The following IL17D variants were observed in gnomAD, a reference collection of about 807,000 sequenced individuals.
The protein encoded by IL17D is interleukin 17D.
Under a neutral mutation model 5.7 loss-of-function variants are expected in IL17D, and 10 were observed. That is an observed-to-expected ratio of 1.75 (90% CI 1.08 to 2.97). IL17D has a LOEUF of 2.97. Ranked by LOEUF, IL17D falls within the 30% of genes most tolerant of loss-of-function variation. The pLI is 0.00. For missense variants in IL17D, 354 were observed against 292.7 expected (o/e 1.21, Z -1.53); for synonymous variants, 172 against 141.7 (o/e 1.21, Z -1.52).
intron 1 of IL17D, among the ~76,000 whole-genome samples, chr13:20,709,588 C>T (rs942385693): frequency 2.6e-5 from 4 of 152,170 alleles, no homozygotes; most frequent in African/African-American, 7.2e-5. Context: ...CTGTGTTCAG[C>T]GCCTACACAT....
Position 20,712,099 on chromosome 13 carries a change from G to A in IL17D, c.290+7808G>A, listed in dbSNP as rs181403987. Among the ~76,000 whole-genome samples, 5 of 152,346 alleles carry A rather than the reference G, an allele frequency of 3.3e-5. No individual in the cohort carries two copies. In the East Asian group the frequency reaches 7.7e-4, roughly 24 times the overall value. On this transcript the variant is annotated intron_variant, in intron 1 of 1. Coordinates refer to ENST00000682841, the MANE Select transcript of IL17D (RefSeq NM_001385224.1). ...TTCATTCATCAAATATTGTCTAGGG[G>A]CTGGTGGGCAGGCCCCCTGGAATAC...
Position 20,716,229 on chromosome 13 carries a change from C to T in IL17D, c.291-5407C>T, listed in dbSNP as rs569219736. ...GAGGACGGCGGATGTCTTGGTATTA[C>T]CATGGTTGTATAACGTCTTGAGATC... is the stretch of plus-strand genomic sequence containing the variant. On this transcript the variant is annotated intron_variant, in intron 1 of 1. Coordinates refer to ENST00000682841, the MANE Select transcript of IL17D (RefSeq NM_001385224.1). This position sits in a 1 kb window ranked among gnomAD's most constrained non-coding sequence, Gnocchi z 4.2. 1 of 293,182 alleles carries T rather than the reference C, an allele frequency of 3.4e-6. No individual in the cohort carries two copies. Among genetic ancestry groups the T allele is most frequent in the Admixed American group, 6.5e-5 (1 of 15,456 alleles). The allele number at this position is 293,182 out of a possible 1,614,324, so 18.2% of individuals were successfully genotyped here.
Position 20,721,849 on chromosome 13 carries a change from C to T in IL17D, c.504C>T (p.Thr168=). ...EAYVTIPVGC[T]CVPEPEKDAD... Reference sequence around the variant, plus strand: ...ACGTCACCATCCCCGTGGGCTGCACCTGCGTCCCCGAGCCGGAGAAGGACG... The same window carrying T: ...ACGTCACCATCCCCGTGGGCTGCACTTGCGTCCCCGAGCCGGAGAAGGACG... The change falls in exon 2 of 2, where the codon ACC becomes ACT. Residue 168 remains threonine (T), a synonymous_variant. Coordinates refer to ENST00000682841, the MANE Select transcript of IL17D (RefSeq NM_001385224.1). The T allele has an allele frequency of 6.2e-7, 1 of 1,610,688 alleles. No homozygotes were observed. The highest frequency in any genetic ancestry group is 8.5e-7 in the Non-Finnish European group (1 of 1,179,792).
At chr13:20,710,556 G>C (rs1018170049) in intron 1 of IL17D, among the ~76,000 whole-genome samples, 2 of 147,036 alleles carry the variant, frequency 1.4e-5, no homozygotes, top group Non-Finnish European at 3.0e-5. Flanking sequence ...TTGAACCTGG[G>C]AGGCGGAGGT....
Position 20,703,733 on chromosome 13 carries a change from C to A in IL17D, c.-269C>A. 1 of 145,462 alleles carries A rather than the reference C, an allele frequency of 6.9e-6. No individual in the cohort carries two copies. Among genetic ancestry groups the A allele is most frequent in the East Asian group, 2.1e-4 (1 of 4,834 alleles). 9.0% of individuals were successfully genotyped at this position (145,462 alleles called of 1,614,324 possible). A position where few individuals can be genotyped will look rare whatever the true frequency, so the allele number is the denominator to read the frequency against. ...CCGCACCCGCCCCCCGTGCGGCCCC[C>A]GGCTCGGGGCGGCGGCGGCGGCGGG... On this transcript the variant is annotated 5_prime_UTR_variant, in exon 1 of 2. Transcript: ENST00000682841.
At chr13:20,721,369 G>A (rs1595004420) in intron 1 of IL17D, among the ~76,000 whole-genome samples, 1 of 152,246 alleles carries the variant, frequency 6.6e-6, no homozygotes, top group South Asian at 2.1e-4. Flanking sequence ...CGTGCAGGCG[G>A]CATAGATTTT....
chr13:20,702,140 A>G (rs1419478986), upstream of IL17D: 1 of 152,196 alleles, frequency 6.6e-6, no homozygotes, highest in African/African-American at 2.4e-5. Flanking sequence ...GAGTACTGAA[A>G]CCTTTATTCC....
chr13:20,703,300 GAGA>G (rs2058558952), upstream of IL17D: 9 of 986,472 alleles, frequency 9.1e-6, no homozygotes, highest in East Asian at 1.1e-4. Context: ...GCTTTCGGGG[GAGA>G]AGATGTTGGG....
At chr13:20,711,321 A>G (rs1260697976) in intron 1 of IL17D, among the ~76,000 whole-genome samples, 2 of 148,860 alleles carry the variant, frequency 1.3e-5, no homozygotes, top group African/African-American at 5.0e-5. Context: ...GAGGCTGGAA[A>G]GCCCAAGGGT....
At chr13:20,717,806 G>A (rs1193047382) in intron 1 of IL17D, among the ~76,000 whole-genome samples, 1 of 152,152 alleles carries the variant, frequency 6.6e-6, no homozygotes. Context: ...TCCCAGCGGC[G>A]GGGGCAATTT....
chr13:20,702,766 G>A (rs2058555323), upstream of IL17D: 1 of 152,200 alleles, frequency 6.6e-6, no homozygotes, highest in Non-Finnish European at 1.5e-5. Flanking sequence ...GAAGTATTCA[G>A]TGCTTTGTTG....
At position 20,722,928 on chromosome 13, in the gene IL17D, T is replaced by C. The variant is rs1282504838; in HGVS notation, c.*974T>C. ...GATCAGGCTGAATATGAGGACAAAGTGGGCCACGTTAGCATCTGCAGAGAT... is the reference window on the plus strand; with the variant it reads ...GATCAGGCTGAATATGAGGACAAAGCGGGCCACGTTAGCATCTGCAGAGAT... On this transcript the variant is annotated 3_prime_UTR_variant, in exon 2 of 2. Transcript: ENST00000682841. The C allele has an allele frequency of 6.6e-6, 1 of 152,204 alleles. No homozygotes were observed. Among genetic ancestry groups the C allele is most frequent in the African/African-American group, 2.4e-5 (1 of 41,440 alleles). 9.4% of individuals were successfully genotyped at this position (152,204 alleles called of 1,614,324 possible). A position where few individuals can be genotyped will look rare whatever the true frequency, so the allele number is the denominator to read the frequency against.
intron 1 of IL17D, among the ~76,000 whole-genome samples, chr13:20,709,418 C>T (rs757664390): frequency 6.6e-6 from 1 of 152,050 alleles, no homozygotes; most frequent in Non-Finnish European, 1.5e-5. Context: ...CAACAGGCAC[C>T]GAGTTAGATA....
At chr13:20,711,515 C>T (rs1002507374) in intron 1 of IL17D, among the ~76,000 whole-genome samples, 5 of 152,162 alleles carry the variant, frequency 3.3e-5, no homozygotes, top group Non-Finnish European at 5.9e-5. Context: ...GTTTTTAACA[C>T]ATGAGCTGTT....
Position 20,716,049 on chromosome 13 carries a change from T to TC in IL17D, c.291-5587_291-5586insC. ...CGCGCCCGGCCAGAATCGACACTTTTAACAGGAGTCCCATATAGGCCTCAT... is the reference window on the plus strand; with the variant it reads ...CGCGCCCGGCCAGAATCGACACTTTTCAACAGGAGTCCCATATAGGCCTCAT... On this transcript the variant is annotated intron_variant, in intron 1 of 1. Transcript: ENST00000682841. This position sits in a 1 kb window ranked among gnomAD's most constrained non-coding sequence, Gnocchi z 4.2. 1.0e-6 allele frequency: 1 copy of TC among 983,422 alleles called. No individual in the cohort carries two copies. The highest frequency in any genetic ancestry group is 1.2e-6 in the Non-Finnish European group (1 of 828,090). 60.9% of individuals were successfully genotyped at this position (983,422 alleles called of 1,614,324 possible). A position where few individuals can be genotyped will look rare whatever the true frequency, so the allele number is the denominator to read the frequency against.
chr13:20,710,477 A>T (rs1319579624), intron 1 of IL17D, among the ~76,000 whole-genome samples: 1 of 142,936 alleles, frequency 7.0e-6, no homozygotes, highest in East Asian at 2.0e-4. Flanking sequence ...AAAAAATACG[A>T]AATTAGCCGG....
At chr13:20,718,899 C>G (rs2058708618) in intron 1 of IL17D, among the ~76,000 whole-genome samples, 2 of 147,130 alleles carry the variant, frequency 1.4e-5, no homozygotes, top group Admixed American at 1.4e-4. Flanking sequence ...CGTGCTCACA[C>G]ACCCGCCCAT....
At chr13:20,721,487 G>C in intron 1 of IL17D, 149 bp from the exon 2 acceptor site, 1 of 619,012 alleles carries the variant, frequency 1.6e-6, no homozygotes, top group East Asian at 2.9e-5. Context: ...GGGCAGATCT[G>C]TTGTCGGCGG....
chr13:20,717,975 A>G (rs1177875893), intron 1 of IL17D, among the ~76,000 whole-genome samples: 1 of 152,134 alleles, frequency 6.6e-6, no homozygotes, highest in Non-Finnish European at 1.5e-5. Context: ...ATGGTGAAAT[A>G]TGAGCAGTTA....
Sources: allele counts gnomAD v4.1 joint callset (sites outside exome capture counted in the v4.1 genomes callset), GRCh38; gene constraint gnomAD v4.1.1; non-coding constraint Gnocchi (gnomAD v3.1); transcripts MANE v1.5; gene names NCBI Gene and HGNC (gene_info 2026-07-23, HGNC 2026-07-21).